The following SARDH variants were observed in gnomAD, a reference collection of about 807,000 sequenced individuals.
SARDH encodes the protein sarcosine dehydrogenase, mitochondrial.
In SARDH, 95 loss-of-function variants were observed where a neutral mutation model predicts 109.1. The observed-to-expected ratio is 0.87, with a 90% CI of 0.74 to 1.03. SARDH has a LOEUF of 1.03. Ranked by LOEUF, SARDH falls within the 50% of genes least tolerant of loss-of-function variation. The pLI, the probability that SARDH is intolerant of heterozygous loss-of-function variation, is 0.00. For synonymous variants in SARDH, 572 were observed against 534.8 expected (o/e 1.07, Z -0.96); for missense variants, 1,267 against 1,287.8 (o/e 0.98, Z 0.25).
intron 13 of SARDH, among the ~76,000 whole-genome samples, chr9:133,701,358 C>T (rs733347): frequency 0.46 from 70,195 of 152,118 alleles, 16,297 homozygotes; most frequent in East Asian, 0.5. Flanking sequence ...CACCAGGCAT[C>T]ACTGTCCTTC....
chr9:133,683,617 G>A (rs1413680879), intron 17 of SARDH, among the ~76,000 whole-genome samples: 4 of 152,182 alleles, frequency 2.6e-5, no homozygotes, highest in Non-Finnish European at 5.9e-5. Flanking sequence ...GCTAGACACA[G>A]CCGGCCCTGC....
rs1183640088 is a variant in SARDH, at chr9:133,709,872, G to A, written c.1329-1444C>T. On this transcript the variant is annotated intron_variant, in intron 10 of 20. Coordinates refer to ENST00000439388, the MANE Select transcript of SARDH (RefSeq NM_001134707.2). This position sits in a 1 kb window ranked among gnomAD's most constrained non-coding sequence, Gnocchi z 4.2. ...ACACGGCAAGGCCACGGCAAAGGCA[G>A]CCCACACCTGCGCCAGGCTATGCTG... Among the ~76,000 whole-genome samples, 1 of 152,156 alleles carries A rather than the reference G, an allele frequency of 6.6e-6. No homozygotes were observed. Among genetic ancestry groups the A allele is most frequent in the Non-Finnish European group, 1.5e-5 (1 of 68,032 alleles).
At chr9:133,699,441 G>C (rs1831402858) in intron 13 of SARDH, among the ~76,000 whole-genome samples, 1 of 151,922 alleles carries the variant, frequency 6.6e-6, no homozygotes, top group Non-Finnish European at 1.5e-5. Flanking sequence ...AGGAGGCGGA[G>C]GTTGCAGTGA....
At chr9:133,662,181 G>T (rs1023526476), downstream of SARDH, among the ~76,000 whole-genome samples, 6 of 152,110 alleles carry the variant, frequency 3.9e-5, no homozygotes, top group East Asian at 1.2e-3. This position sits in a 1 kb window ranked among gnomAD's most constrained non-coding sequence, Gnocchi z 5.1. Context: ...CTCGGGACAG[G>T]GAGCGCAGCC....
Position 133,690,362 on chromosome 9 carries a change from C to T in SARDH, c.2069+18G>A. 6.3e-7 allele frequency: 1 copy of T among 1,599,602 alleles called. No homozygotes were observed. The highest frequency in any genetic ancestry group is 8.5e-7 in the Non-Finnish European group (1 of 1,170,528). On this transcript the variant is annotated intron_variant, in intron 16 of 20. Coordinates refer to ENST00000439388, the MANE Select transcript of SARDH (RefSeq NM_001134707.2). The stretch of plus-strand genomic sequence containing the variant: ...GGCAGCAGGTGCACCCAGGGGCGGG[C>T]TCCCAGTCCTCTCTCACCTGGCTGG...
intron 20 of SARDH, 39 bp from the exon 21 acceptor site, chr9:133,664,053 G>A (rs377681183): frequency 1.2e-6 from 2 of 1,611,020 alleles, no homozygotes; most frequent in African/African-American, 2.7e-5. Context: ...CTCTCTGTTG[G>A]TAGGTACAGG....
chr9:133,735,874 T>C (rs1832866868), intron 1 of SARDH, among the ~76,000 whole-genome samples: 1 of 88,672 alleles, frequency 1.1e-5, no homozygotes, highest in Non-Finnish European at 2.4e-5. Context: ...AGAAACCCCA[T>C]CTCTACTAAA....
chr9:133,694,640 C>A (rs1397448736), intron 14 of SARDH, among the ~76,000 whole-genome samples: 1 of 152,238 alleles, frequency 6.6e-6, no homozygotes, highest in Non-Finnish European at 1.5e-5. Context: ...TCTTGAAATG[C>A]CTTGGCACTG....
chr9:133,669,819 C>T (rs986759736), intron 19 of SARDH, among the ~76,000 whole-genome samples: 7 of 152,228 alleles, frequency 4.6e-5, no homozygotes, highest in South Asian at 2.1e-4. Context: ...TGAACCAGAA[C>T]GGGATGGGAG....
intron 19 of SARDH, among the ~76,000 whole-genome samples, chr9:133,668,938 CTCCCTCTCCCTCACCT>C (rs1413524733): frequency 1.3e-3 from 1 of 788 alleles, no homozygotes; most frequent in Non-Finnish European, 3.4e-3. Context: ...CTCCCTTACC[CTCCCTCTCCCTCACCT>C]TCCCTCTCCC....
At position 133,696,364 on chromosome 9, in the gene SARDH, GA is replaced by G. The variant is rs773469491; in HGVS notation, c.1669-4del. 13 of 1,613,998 alleles carry G rather than the reference GA, an allele frequency of 8.1e-6. No homozygotes were observed. The highest frequency in any genetic ancestry group is 1.1e-5 in the Non-Finnish European group (13 of 1,180,036). On this transcript the variant is annotated splice_polypyrimidine_tract_variant and splice_region_variant and intron_variant, in intron 13 of 20. Coordinates refer to ENST00000439388, the MANE Select transcript of SARDH (RefSeq NM_001134707.2). ...CAGGCCAGGCACTCCTTCTTGATCT[GA>G]AAAGTTCCAGACAGGTGGGAATGCC...
intron 16 of SARDH, among the ~76,000 whole-genome samples, chr9:133,688,922 C>G (rs974997802): frequency 6.6e-6 from 1 of 152,244 alleles, no homozygotes; most frequent in African/African-American, 2.4e-5. Context: ...AGCAAGCACG[C>G]GTCTACCGTG....
At position 133,708,167 on chromosome 9, in the gene SARDH, C is replaced by T. The variant is rs1831768305; in HGVS notation, c.1470+120G>A. ...GGGTTACTACCTGGGGAATGACAGA[C>T]ACCTTGTCACCGCACCTGACCTGCG... On this transcript the variant is annotated intron_variant, in intron 11 of 20. Transcript: ENST00000439388. The T allele has an allele frequency of 1.1e-5, 13 of 1,197,916 alleles. No homozygotes were observed. In the Middle Eastern group the frequency reaches 1.2e-3, roughly 111 times the overall value. 74.2% of individuals were successfully genotyped at this position (1,197,916 alleles called of 1,614,324 possible).
At chr9:133,659,923 TG>T (rs1008933225), downstream of SARDH, among the ~76,000 whole-genome samples, 1 of 151,960 alleles carries the variant, frequency 6.6e-6, no homozygotes, top group Admixed American at 6.6e-5. Context: ...CCCAAACACC[TG>T]GGGGGCACTT....
chr9:133,715,542 C>T (rs1194992744), intron 8 of SARDH, among the ~76,000 whole-genome samples: 3 of 152,138 alleles, frequency 2.0e-5, no homozygotes, highest in Non-Finnish European at 2.9e-5. Flanking sequence ...CCATAGGAGT[C>T]GAATTCATTC....
intron 1 of SARDH, among the ~76,000 whole-genome samples, chr9:133,735,988 C>A (rs62572818): frequency 6.6e-6 from 1 of 150,816 alleles, no homozygotes; most frequent in Non-Finnish European, 1.5e-5. Context: ...TGCAGTAAGC[C>A]GAGATTGTGC....
chr9:133,720,426 C>T lies in SARDH; in HGVS notation c.916-1384G>A, dbSNP rs1832284172. Among the ~76,000 whole-genome samples, 4 of 152,292 alleles carry T rather than the reference C, an allele frequency of 2.6e-5. No individual in the cohort carries two copies. In the South Asian group the frequency reaches 8.3e-4, roughly 32 times the overall value. ...CTGGGCAACAAGAGTGAAACTCTGT[C>T]TCATAAATAAATAACCACAAACCAC... On this transcript the variant is annotated intron_variant, in intron 6 of 20. Coordinates refer to ENST00000439388, the MANE Select transcript of SARDH (RefSeq NM_001134707.2).
In SARDH at chr9:133,694,362, A is replaced by T; in HGVS notation, c.1817T>A (p.Val606Glu). The T allele has an allele frequency of 6.4e-7, 1 of 1,550,560 alleles. No homozygotes were observed. Among genetic ancestry groups the T allele is most frequent in the East Asian group, 2.4e-5 (1 of 40,912 alleles). ...ADVSRPPGST[V>E]YTCMLNHRGG... ...ACGGTGGTTGAGCATGCACGTGTAC[A>T]CGGTGGAGCCTGCGAGAGGGAGAAG... Residue 606 changes from valine (V) to glutamate (E), a missense_variant, in exon 15 of 21, where the codon GTG becomes GAG. Coordinates refer to ENST00000439388, the MANE Select transcript of SARDH (RefSeq NM_001134707.2).
rs1275129216 is a variant in SARDH, at chr9:133,712,445, C to G, written c.1328+174G>C. On this transcript the variant is annotated intron_variant, in intron 10 of 20. Transcript: ENST00000439388. This position sits in a 1 kb window ranked among gnomAD's most constrained non-coding sequence, Gnocchi z 4.1. ...AAGGGGCGTGGACCTGCCCCCCAGC[C>G]ACCCCCTCAGCACTGCCCACCTTCT... 5.3e-5 allele frequency among the ~76,000 whole-genome samples: 8 copies of G among 151,338 alleles called. No homozygotes were observed.
Sources: gnomAD v4.1 joint callset for allele counts (sites outside exome capture counted in the v4.1 genomes callset) on GRCh38, gnomAD v4.1.1 for gene constraint, Gnocchi (gnomAD v3.1) non-coding constraint, MANE v1.5 for transcripts, NCBI Gene and HGNC (gene_info 2026-07-23, HGNC 2026-07-21) for gene names.